Variants in NDUFV2 observed in about 807,000 individuals in gnomAD.
NDUFV2 encodes NADH dehydrogenase [ubiquinone] flavoprotein 2, mitochondrial.
NDUFV2 carries 18 observed loss-of-function variants against 31.6 expected under a neutral mutation model. The observed-to-expected ratio is 0.57, with a 90% CI of 0.39 to 0.84. NDUFV2 has a LOEUF of 0.84. NDUFV2 is among the 40% of genes least tolerant of loss of function. The probability of loss-of-function intolerance (pLI) is 0.00; values close to 1 mark genes in which losing one functional copy is unlikely to be tolerated. For synonymous variants in NDUFV2, 83 were observed against 99.8 expected (o/e 0.83, Z 1.01); for missense variants, 314 against 303.6 (o/e 1.03, Z -0.26).
chr18:9,114,501 A>G (rs2077888132), intron 1 of NDUFV2, among the ~76,000 whole-genome samples: 1 of 149,116 alleles, frequency 6.7e-6, no homozygotes, highest in Non-Finnish European at 1.5e-5. Context: ...TCAGTTAAGC[A>G]GGTGATAATG....
intron 7 of NDUFV2, among the ~76,000 whole-genome samples, chr18:9,133,040 A>AG (rs747494786): frequency 1.1e-3 from 166 of 152,362 alleles, no homozygotes; most frequent in Non-Finnish European, 1.8e-3. Context: ...ATCCAAAGAT[A>AG]TTAACTAAGT....
rs551887957 is a variant in NDUFV2, at chr18:9,127,280, T to TTCA, written c.656+374_656+376dup. ...TAGTACCTCTTCCAAATGACAGCTC[T>TTCA]TCAATTACTTGAAATAGCTACCCTG... On this transcript the variant is annotated intron_variant, in intron 7 of 7. Transcript: ENST00000318388. Among the ~76,000 whole-genome samples the TTCA allele has an allele frequency of 4.1e-3, 630 of 152,318 alleles. 5 individuals are homozygous for TTCA. The highest frequency in any genetic ancestry group is 7.0e-3 in the Admixed American group (107 of 15,302).
chr18:9,125,718 T>C (rs1187968862), intron 6 of NDUFV2, among the ~76,000 whole-genome samples: 1 of 152,180 alleles, frequency 6.6e-6, no homozygotes, highest in African/African-American at 2.4e-5. Flanking sequence ...AATTTGTTTA[T>C]GGAAATTTTG....
chr18:9,103,719 T>C, intron 1 of NDUFV2: 1 of 157,466 alleles, frequency 6.4e-6, no homozygotes, highest in South Asian at 1.9e-4. Context: ...TTTGTGCTGT[T>C]AATCTTCCTC....
At chr18:9,132,228 A>C (rs2078046439) in intron 7 of NDUFV2, 1 of 152,208 alleles carries the variant, frequency 6.6e-6, no homozygotes, top group Non-Finnish European at 1.5e-5. Flanking sequence ...CTTACGATTA[A>C]TTCTCCCATT....
At chr18:9,110,823 A>C (rs2077866379) in intron 1 of NDUFV2, among the ~76,000 whole-genome samples, 1 of 152,102 alleles carries the variant, frequency 6.6e-6, no homozygotes, top group Non-Finnish European at 1.5e-5. Context: ...CTTTTATTTT[A>C]TAAACATTAT....
chr18:9,119,561 G>A lies in NDUFV2; in HGVS notation c.271G>A (p.Gly91Arg). ...PVLDLAQRQN[G>R]WLPISAMNKV... The stretch of plus-strand genomic sequence containing the variant: ...CCTGGATTTAGCCCAAAGGCAGAAT[G>A]GGTGGTTGCCCATCTCTGCTATGAA... Residue 91 changes from glycine (G) to arginine (R), a missense_variant, in exon 4 of 8, where the codon GGG becomes AGG. Physicochemically the swap from Gly to Arg is moderately radical, Grantham distance 125. Transcript: ENST00000318388. The A allele has an allele frequency of 6.2e-7, 1 of 1,613,680 alleles. No individual in the cohort carries two copies. The highest frequency in any genetic ancestry group is 1.1e-5 in the South Asian group (1 of 91,068).
intron 1 of NDUFV2, chr18:9,103,040 T>C (rs1034842734): frequency 2.0e-6 from 1 of 491,700 alleles, no homozygotes; most frequent in African/African-American, 2.0e-5. Flanking sequence ...AAAGAGGGGC[T>C]GCTTGGTGAT....
intron 1 of NDUFV2, among the ~76,000 whole-genome samples, chr18:9,104,712 C>T (rs2077832811): frequency 6.6e-6 from 1 of 151,392 alleles, no homozygotes; most frequent in Non-Finnish European, 1.5e-5. Flanking sequence ...CCTTCTCCCT[C>T]CCCCTTCCAC....
intron 1 of NDUFV2, among the ~76,000 whole-genome samples, chr18:9,107,243 A>G (rs532395213): frequency 6.6e-5 from 10 of 152,338 alleles, no homozygotes; most frequent in Admixed American, 3.9e-4. Flanking sequence ...ACTTGAACTC[A>G]GTTTCCATTT....
At chr18:9,124,466 G>A (rs1487442171) in intron 5 of NDUFV2, among the ~76,000 whole-genome samples, 1 of 56,048 alleles carries the variant, frequency 1.8e-5, no homozygotes, top group Non-Finnish European at 3.7e-5. Context: ...TTTTTTTTTT[G>A]GAGATGGAGT....
At chr18:9,105,620 C>G (rs2077837818) in intron 1 of NDUFV2, among the ~76,000 whole-genome samples, 1 of 152,150 alleles carries the variant, frequency 6.6e-6, no homozygotes, top group Non-Finnish European at 1.5e-5. Context: ...ATTACAGATG[C>G]TCCTTTACTT....
In NDUFV2 at chr18:9,122,638, T is replaced by A; in HGVS notation, c.426T>A (p.Leu142=). ...TCTGCACTACTACACCCTGCATGCT[T>A]CGAAACTCTGACAGCATACTGGAGG... The part of the protein sequence containing the change: ...IQVCTTTPCM[L]RNSDSILEAI... The change falls in exon 5 of 8, where the codon CTT becomes CTA. Residue 142 remains leucine, a synonymous_variant. Transcript: ENST00000318388. 2 of 1,613,994 alleles carry A rather than the reference T, an allele frequency of 1.2e-6. No individual in the cohort carries two copies. Among genetic ancestry groups the A allele is most frequent in the South Asian group, 2.2e-5 (2 of 91,082 alleles).
chr18:9,131,024 CTT>C (rs1407381967), intron 7 of NDUFV2, among the ~76,000 whole-genome samples: 2 of 152,218 alleles, frequency 1.3e-5, no homozygotes, highest in Non-Finnish European at 2.9e-5. Flanking sequence ...TCCTCCAAAA[CTT>C]TACTCATAGC....
Position 9,132,145 on chromosome 18 carries a change from C to G in NDUFV2, c.657-2041C>G, listed in dbSNP as rs990559719. ...ATTTTATGGAACAAACTTTAGGAAA[C>G]TCTAGACCAGATTATTTTTAAAATT... On this transcript the variant is annotated intron_variant, in intron 7 of 7. Transcript: ENST00000318388. 2.6e-5 allele frequency: 4 copies of G among 152,124 alleles called. No homozygotes were observed. In the South Asian group the frequency reaches 6.2e-4, roughly 24 times the overall value. The allele number at this position is 152,124 out of a possible 1,614,324, so 9.4% of individuals were successfully genotyped here. A position where few individuals can be genotyped will look rare whatever the true frequency, so the allele number is the denominator to read the frequency against.
chr18:9,113,035 C>T (rs1417978145), intron 1 of NDUFV2, among the ~76,000 whole-genome samples: 1 of 149,790 alleles, frequency 6.7e-6, no homozygotes, highest in Non-Finnish European at 1.5e-5. Context: ...TCCATAAATA[C>T]TCTACATATG....
chr18:9,121,934 T>C (rs1308050133), intron 4 of NDUFV2, among the ~76,000 whole-genome samples: 4 of 151,600 alleles, frequency 2.6e-5, no homozygotes, highest in African/African-American at 4.9e-5. Flanking sequence ...GGGAGAGGAG[T>C]GTGTGATTGT....
intron 7 of NDUFV2, 70 bp from the exon 8 acceptor site, chr18:9,134,116 A>G: frequency 1.7e-6 from 2 of 1,177,670 alleles, no homozygotes; most frequent in Non-Finnish European, 2.5e-6. Context: ...CTTGTGAGGT[A>G]ACCATTACAA....
chr18:9,118,796 G>A (rs1012400112), intron 2 of NDUFV2, among the ~76,000 whole-genome samples: 1 of 147,536 alleles, frequency 6.8e-6, no homozygotes, highest in South Asian at 2.1e-4. Context: ...TATGGAAAAC[G>A]TGGGAAAGAG....
Sources: gnomAD v4.1 joint callset for allele counts (sites outside exome capture counted in the v4.1 genomes callset) on GRCh38, gnomAD v4.1.1 for gene constraint, MANE v1.5 for transcripts, NCBI Gene and HGNC (gene_info 2026-07-23, HGNC 2026-07-21) for gene names.